Variants in SLC8A1 observed in about 807,000 individuals in gnomAD.
The protein encoded by SLC8A1 is solute carrier family 8 member A1.
SLC8A1 carries 18 observed loss-of-function variants against 68.3 expected under a neutral mutation model. That is an observed-to-expected ratio of 0.26 (90% CI 0.18 to 0.39). SLC8A1 has a LOEUF of 0.39. SLC8A1 is among the 10% of genes least tolerant of loss of function. The pLI, the probability that SLC8A1 is intolerant of heterozygous loss-of-function variation, is 1.00. For missense variants in SLC8A1, 985 were observed against 1,156.7 expected (o/e 0.85, Z 2.15); for synonymous variants, 475 against 415.5 (o/e 1.14, Z -1.74).
At chr2:40,122,238 A>ACACG (rs1558435182) in intron 7 of SLC8A1, among the ~76,000 whole-genome samples, 1 of 148,350 alleles carries the variant, frequency 6.7e-6, no homozygotes, top group African/African-American at 2.5e-5. Flanking sequence ...GTGCGCGCGC[A>ACACG]CACACACACA....
At chr2:40,319,512 G>C (rs1156608162) in intron 2 of SLC8A1, among the ~76,000 whole-genome samples, 1 of 152,072 alleles carries the variant, frequency 6.6e-6, no homozygotes, top group Middle Eastern at 3.2e-3. Context: ...TCTAGACCAT[G>C]TGTTCTTTAT....
At chr2:40,494,684 T>TATATATA (rs70957183) in intron 1 of SLC8A1, among the ~76,000 whole-genome samples, 1 of 111,986 alleles carries the variant, frequency 8.9e-6, no homozygotes, top group Non-Finnish European at 1.8e-5. Flanking sequence ...TATATATATA[T>TATATATA]CCAAATGGAA....
At chr2:40,318,711 T>G (rs566826402) in intron 2 of SLC8A1, among the ~76,000 whole-genome samples, 3 of 152,194 alleles carry the variant, frequency 2.0e-5, no homozygotes, top group Non-Finnish European at 2.9e-5. Flanking sequence ...TATTTTTATT[T>G]ACTAACTGCA....
rs536419997 is a variant in SLC8A1, at chr2:40,238,400, C to T, written c.1809-60545G>A. Among the ~76,000 whole-genome samples, 31 of 150,986 alleles carry T rather than the reference C, an allele frequency of 2.1e-4. No individual in the cohort carries two copies. In the South Asian group the frequency reaches 2.9e-3, roughly 14 times the overall value. On this transcript the variant is annotated intron_variant, in intron 2 of 7. Coordinates refer to ENST00000406785, the Ensembl canonical transcript of SLC8A1. ...CTGTCCGTCACCCCTTTCTTTGACT[C>T]GGAAGGGAAACTCCCTGACCCCTTG...
chr2:40,233,160 T>A (rs36162999), intron 2 of SLC8A1, among the ~76,000 whole-genome samples: 24,275 of 152,084 alleles, frequency 0.16, 2,586 homozygotes, highest in African/African-American at 0.29. Flanking sequence ...TCTAGATCCC[T>A]GAGGAATGGC....
chr2:40,304,612 G>A (rs181271909), intron 2 of SLC8A1, among the ~76,000 whole-genome samples: 4 of 152,166 alleles, frequency 2.6e-5, no homozygotes, highest in Admixed American at 1.3e-4. Flanking sequence ...TTTTCAGCGC[G>A]GTTTGGCATC....
chr2:40,105,017 A>G (rs1429578609), exon 8 of SLC8A1: 1 of 152,010 alleles, frequency 6.6e-6, no homozygotes, highest in Non-Finnish European at 1.5e-5. Flanking sequence ...TTTGTACAAA[A>G]CTTGTGGATC....
At chr2:40,356,838 G>C (rs1306057457) in intron 2 of SLC8A1, among the ~76,000 whole-genome samples, 1 of 152,152 alleles carries the variant, frequency 6.6e-6, no homozygotes, top group Non-Finnish European at 1.5e-5. Context: ...TGAGACAATA[G>C]CAGTCATATT....
exon 8 of SLC8A1, chr2:40,111,145 T>C (rs1266610099): frequency 6.6e-6 from 1 of 152,160 alleles, no homozygotes; most frequent in East Asian, 1.9e-4. Context: ...TATTAGGCTA[T>C]GAACTACAAA....
intron 2 of SLC8A1, among the ~76,000 whole-genome samples, chr2:40,260,679 G>A (rs1029104482): frequency 1.3e-5 from 2 of 151,628 alleles, no homozygotes; most frequent in African/African-American, 2.4e-5. Flanking sequence ...TTCAACTCTA[G>A]TTGTGATATA....
In SLC8A1 at chr2:40,258,176, A is replaced by T. The variant is rs535096949; in HGVS notation, c.1809-80321T>A. On this transcript the variant is annotated intron_variant, in intron 2 of 7. Transcript: ENST00000406785. ...CTCTAAACAGTGACATTTTGTTCAAATTACAACCCTTGGCTTCCCTGACTG... is the reference window on the plus strand; with the variant it reads ...CTCTAAACAGTGACATTTTGTTCAATTTACAACCCTTGGCTTCCCTGACTG... Among the ~76,000 whole-genome samples, 6 of 152,286 alleles carry T rather than the reference A, an allele frequency of 3.9e-5. No homozygotes were observed. The East Asian group carries it at 1.2e-3, about 29-fold the overall frequency.
At chr2:40,233,713 G>C (rs1441731170) in intron 2 of SLC8A1, among the ~76,000 whole-genome samples, 2 of 148,538 alleles carry the variant, frequency 1.3e-5, no homozygotes, top group African/African-American at 5.0e-5. Context: ...TTTCTTCTAG[G>C]GTTTTTATGG....
intron 2 of SLC8A1, among the ~76,000 whole-genome samples, chr2:40,202,831 A>T (rs980950294): frequency 6.6e-6 from 1 of 152,028 alleles, no homozygotes; most frequent in African/African-American, 2.4e-5. Context: ...GCCTGCAAGC[A>T]TGTGTTCATA....
chr2:40,253,789 T>G (rs1454852008), intron 2 of SLC8A1, among the ~76,000 whole-genome samples: 1 of 138,144 alleles, frequency 7.2e-6, no homozygotes, highest in Non-Finnish European at 1.5e-5. Flanking sequence ...ATCATGCCAT[T>G]GCACTCCAGC....
exon 8 of SLC8A1, chr2:40,115,112 C>G: frequency 5.3e-6 from 3 of 569,058 alleles, no homozygotes; most frequent in Non-Finnish European, 8.0e-6. Context: ...TTACTTCGGC[C>G]CTAGTACAGA....
chr2:40,435,174 C>T (rs1472968745), intron 1 of SLC8A1, among the ~76,000 whole-genome samples: 2 of 152,162 alleles, frequency 1.3e-5, no homozygotes, highest in Non-Finnish European at 2.9e-5. Context: ...CTTGGAATTC[C>T]CTTCTATGTA....
At chr2:40,363,045 C>A (rs1675059579) in intron 2 of SLC8A1, among the ~76,000 whole-genome samples, 1 of 152,064 alleles carries the variant, frequency 6.6e-6, no homozygotes, top group Non-Finnish European at 1.5e-5. Context: ...TTCCCCACCA[C>A]CCCTAGAAGG....
chr2:40,301,306 A>G (rs1387572461), intron 2 of SLC8A1, among the ~76,000 whole-genome samples: 1 of 152,240 alleles, frequency 6.6e-6, no homozygotes, highest in Non-Finnish European at 1.5e-5. Context: ...TGAAGTTGTG[A>G]TAACTTGTCC....
At chr2:40,136,829 A>G (rs1364288094) in intron 7 of SLC8A1, among the ~76,000 whole-genome samples, 1 of 152,134 alleles carries the variant, frequency 6.6e-6, no homozygotes, top group Non-Finnish European at 1.5e-5. Flanking sequence ...CAGTTTTTGG[A>G]AAAAATGTCT....
Sources: gnomAD v4.1 joint callset for allele counts (sites outside exome capture counted in the v4.1 genomes callset) on GRCh38, gnomAD v4.1.1 for gene constraint, MANE v1.5 for transcripts, NCBI Gene and HGNC (gene_info 2026-07-23, HGNC 2026-07-21) for gene names.